PROSER2: variants seen among roughly 807,000 people sequenced by gnomAD.
PROSER2 encodes proline and serine rich 2.
In PROSER2, 18 loss-of-function variants were observed where a neutral mutation model predicts 14.6. That is an observed-to-expected ratio of 1.23 (90% confidence interval 0.85 to 1.83). PROSER2 has a LOEUF of 1.83. Ranked by LOEUF, PROSER2 falls within the 40% of genes most tolerant of loss-of-function variation. PROSER2 has a pLI of 0.00. For missense variants in PROSER2, 823 were observed against 629.8 expected (o/e 1.31, Z -3.28); for synonymous variants, 367 against 286.4 (o/e 1.28, Z -2.84).
chr10:11,826,979 G>A (rs1448911978), intron 1 of PROSER2, among the ~76,000 whole-genome samples: 2 of 148,494 alleles, frequency 1.3e-5, no homozygotes, highest in Admixed American at 1.4e-4. Flanking sequence ...CAACCTTCCA[G>A]GCTCAAGTGA....
At chr10:11,841,555 A>G (rs571202308) in intron 1 of PROSER2, among the ~76,000 whole-genome samples, 1 of 152,138 alleles carries the variant, frequency 6.6e-6, no homozygotes, top group African/African-American at 2.4e-5. Context: ...GTGATGTTTG[A>G]GCTGCATCCC....
intron 1 of PROSER2, among the ~76,000 whole-genome samples, chr10:11,834,200 A>C (rs1449324686): frequency 6.6e-6 from 1 of 150,932 alleles, no homozygotes; most frequent in Non-Finnish European, 1.5e-5. Flanking sequence ...TCACCATGTT[A>C]GCCAGAATGA....
chr10:11,836,534 T>C lies in PROSER2; in HGVS notation c.-82+13064T>C, dbSNP rs940442607. On this transcript the variant is annotated intron_variant, in intron 1 of 3. Coordinates refer to ENST00000277570, the MANE Select transcript of PROSER2 (RefSeq NM_153256.4). The surrounding 1 kb of genome is among the most constrained non-coding windows in gnomAD (Gnocchi z 4.6). The stretch of plus-strand genomic sequence containing the variant: ...TAAAGACAATTTCTTTCCTAAGATA[T>C]GTTTATTCTATATTTTGGAACAAAT... 2.0e-5 allele frequency among the ~76,000 whole-genome samples: 3 copies of C among 152,128 alleles called. No individual in the cohort carries two copies. The highest frequency in any genetic ancestry group is 6.6e-5 in the Admixed American group (1 of 15,262).
chr10:11,843,892 G>A (rs549599401), intron 1 of PROSER2, among the ~76,000 whole-genome samples: 3 of 151,614 alleles, frequency 2.0e-5, no homozygotes, highest in Admixed American at 1.3e-4. Flanking sequence ...GATTTAGGTT[G>A]AGGGTTTTTT....
rs955845250 is a variant in PROSER2, at chr10:11,856,167, A to G, written c.138+3952A>G. Among the ~76,000 whole-genome samples the G allele has an allele frequency of 1.4e-4, 21 of 152,188 alleles. No homozygotes were observed. Among genetic ancestry groups the G allele is most frequent in the African/African-American group, 4.8e-4 (20 of 41,438 alleles). On this transcript the variant is annotated intron_variant, in intron 2 of 3. Coordinates refer to ENST00000277570, the MANE Select transcript of PROSER2 (RefSeq NM_153256.4). The surrounding 1 kb of genome is among the most constrained non-coding windows in gnomAD (Gnocchi z 5.3). ...CTACCTCGAGAGGTGATGCAGGCACAAAATAAAAGGCCCGAGAAGGGCTTG... is the reference window on the plus strand; with the variant it reads ...CTACCTCGAGAGGTGATGCAGGCACGAAATAAAAGGCCCGAGAAGGGCTTG...
intron 1 of PROSER2, among the ~76,000 whole-genome samples, chr10:11,834,120 A>T (rs2131050182): frequency 6.7e-6 from 1 of 149,574 alleles, no homozygotes; most frequent in South Asian, 2.1e-4. Context: ...TCAGGTTCCC[A>T]AATAGCTGGG....
At chr10:11,833,789 AG>A (rs1833720263) in intron 1 of PROSER2, among the ~76,000 whole-genome samples, 1 of 152,198 alleles carries the variant, frequency 6.6e-6, no homozygotes, top group Admixed American at 6.5e-5. Context: ...ATTGTATCCA[AG>A]TGGGAAAAAT....
In PROSER2 at chr10:11,836,578, A is replaced by C. The variant is rs1425652615; in HGVS notation, c.-82+13108A>C. On this transcript the variant is annotated intron_variant, in intron 1 of 3. Coordinates refer to ENST00000277570, the MANE Select transcript of PROSER2 (RefSeq NM_153256.4). This position sits in a 1 kb window ranked among gnomAD's most constrained non-coding sequence, Gnocchi z 4.6. ...AACAAATCTTCACAAAATTCATGGT[A>C]TGCACGCCGGCCCCTTCCTAGCGTG... Among the ~76,000 whole-genome samples, 1 of 152,148 alleles carries C rather than the reference A, an allele frequency of 6.6e-6. No homozygotes were observed. The highest frequency in any genetic ancestry group is 1.5e-5 in the Non-Finnish European group (1 of 68,022).
intron 1 of PROSER2, among the ~76,000 whole-genome samples, chr10:11,845,552 A>C (rs1833910698): frequency 6.6e-6 from 1 of 151,934 alleles, no homozygotes; most frequent in Non-Finnish European, 1.5e-5. Flanking sequence ...TAGATTATTT[A>C]CAAAAAATAC....
Position 11,858,545 on chromosome 10 carries a change from A to T in PROSER2, c.138+6330A>T, listed in dbSNP as rs143450709. On this transcript the variant is annotated intron_variant, in intron 2 of 3. Coordinates refer to ENST00000277570, the MANE Select transcript of PROSER2 (RefSeq NM_153256.4). ...GGGCTTGTTCTGGTGCATTATAATG[A>T]CCTTAGTATGTTCAGCATTTTGAGT... Among the ~76,000 whole-genome samples, 282 of 152,258 alleles carry T rather than the reference A, an allele frequency of 1.9e-3. 1 individual carries two copies. The highest frequency in any genetic ancestry group is 6.6e-3 in the African/African-American group (274 of 41,540).
At chr10:11,846,179 T>G (rs925487918) in intron 1 of PROSER2, among the ~76,000 whole-genome samples, 81 of 151,822 alleles carry the variant, frequency 5.3e-4, no homozygotes, top group Non-Finnish European at 1.0e-3. Context: ...TAGAGACGGG[T>G]TTTTACCATG....
chr10:11,823,982 G>A lies in PROSER2; in HGVS notation c.-82+512G>A, dbSNP rs535168065. Reference sequence around the variant, plus strand: ...GTGCAGGGTCTGCCCAGCCCAGCGCGGCGGGAGGGACTAAAATAGAGGAGA... The same window carrying A: ...GTGCAGGGTCTGCCCAGCCCAGCGCAGCGGGAGGGACTAAAATAGAGGAGA... On this transcript the variant is annotated intron_variant, in intron 1 of 3. Transcript: ENST00000277570. The surrounding 1 kb of genome is among the most constrained non-coding windows in gnomAD (Gnocchi z 6.2). Among the ~76,000 whole-genome samples, 1 of 152,352 alleles carries A rather than the reference G, an allele frequency of 6.6e-6. No individual in the cohort carries two copies. Among genetic ancestry groups the A allele is most frequent in the African/African-American group, 2.4e-5 (1 of 41,580 alleles).
chr10:11,827,934 C>G (rs1197307464), intron 1 of PROSER2, among the ~76,000 whole-genome samples: 1 of 151,836 alleles, frequency 6.6e-6, no homozygotes, highest in Non-Finnish European at 1.5e-5. Context: ...CACCTTAGCC[C>G]CTGAAAGTGC....
rs1834456220 is a variant in PROSER2 at position 11,870,290 on chromosome 10, G to A, written c.1192G>A (p.Ala398Thr). Residue 398 changes from alanine (A) to threonine (T), a missense_variant, in exon 4 of 4, where the codon GCA becomes ACA. Coordinates refer to ENST00000277570, the MANE Select transcript of PROSER2 (RefSeq NM_153256.4). Reference sequence around the variant, plus strand: ...CAACGGCGCCCAGGACTGGCGCCGCGCAGACTCCCTGCCCCGGCCCCAGGG... The same window carrying A: ...CAACGGCGCCCAGGACTGGCGCCGCACAGACTCCCTGCCCCGGCCCCAGGG... ...QPNGAQDWRRADSLPRPQGIT... is the reference protein window; with the variant it reads ...QPNGAQDWRRTDSLPRPQGIT... 2 of 1,493,776 alleles carry A rather than the reference G, an allele frequency of 1.3e-6. No homozygotes were observed. The highest frequency in any genetic ancestry group is 1.5e-5 in the African/African-American group (1 of 68,512). 92.5% of individuals were successfully genotyped at this position (1,493,776 alleles called of 1,614,324 possible).
intron 2 of PROSER2, among the ~76,000 whole-genome samples, chr10:11,855,630 A>G (rs1014309568): frequency 6.6e-6 from 1 of 152,192 alleles, no homozygotes; most frequent in Non-Finnish European, 1.5e-5. Context: ...CAAGTTAAAA[A>G]TTTAAAAAGC....
intron 2 of PROSER2, among the ~76,000 whole-genome samples, chr10:11,853,599 C>T (rs1169808105): frequency 6.6e-6 from 1 of 152,082 alleles, no homozygotes; most frequent in Non-Finnish European, 1.5e-5. Flanking sequence ...AAGAAATGCC[C>T]AGCACCCAAG....
intron 1 of PROSER2, among the ~76,000 whole-genome samples, chr10:11,845,772 T>C (rs1209794440): frequency 1.3e-5 from 2 of 152,102 alleles, no homozygotes; most frequent in Non-Finnish European, 2.9e-5. Flanking sequence ...TGGGGTCTCA[T>C]TGGCTGGACT....
chr10:11,870,519 T>G lies in PROSER2; in HGVS notation c.*113T>G. The G allele has an allele frequency of 1.1e-6, 1 of 932,272 alleles. No homozygotes were observed. The highest frequency in any genetic ancestry group is 1.5e-6 in the Non-Finnish European group (1 of 665,150). The allele number at this position is 932,272 out of a possible 1,614,324, so 57.7% of individuals were successfully genotyped here. On this transcript the variant is annotated 3_prime_UTR_variant, in exon 4 of 4. Transcript: ENST00000277570. ...AAATGGAAGTGACAGCGGGAGCCCC[T>G]GCCCTCTGTGGCACATCGGAGTCTA...
At chr10:11,850,909 G>C (rs1347267213) in intron 1 of PROSER2, 1 of 152,304 alleles carries the variant, frequency 6.6e-6, no homozygotes, top group East Asian at 1.9e-4. Context: ...CAGGGGCTGG[G>C]CTGGATTTCC....
Sources: allele counts gnomAD v4.1 joint callset (sites outside exome capture counted in the v4.1 genomes callset), GRCh38; gene constraint gnomAD v4.1.1; non-coding constraint Gnocchi (gnomAD v3.1); transcripts MANE v1.5; gene names NCBI Gene and HGNC (gene_info 2026-07-23, HGNC 2026-07-21).